The following SCD5 variants were observed in gnomAD, a reference collection of about 807,000 sequenced individuals.
The protein encoded by SCD5 is acyl-CoA-desaturase 4.
A neutral mutation model predicts 30.4 loss-of-function variants in SCD5; 20 were observed. The observed-to-expected ratio is 0.66, with a 90% confidence interval of 0.46 to 0.96. The LOEUF is 0.96. SCD5 is among the 40% of genes least tolerant of loss of function. The probability of loss-of-function intolerance (pLI) is 0.00; values close to 1 mark genes in which losing one functional copy is unlikely to be tolerated. For missense variants in SCD5, 381 were observed against 443.3 expected, an observed-to-expected ratio of 0.86 and a Z score of 1.26; for synonymous variants, 173 against 176.4, an observed-to-expected ratio of 0.98 and a Z score of 0.16.
chr4:82,798,259 G>T, intron 1 of SCD5, 47 bp downstream of exon 1: 7 of 1,456,442 alleles, frequency 4.8e-6, no homozygotes, highest in Non-Finnish European at 6.4e-6. Context: ...GCCCCAGCGC[G>T]GCCTGGCCAC....
chr4:82,760,017 T>C (rs1182574743), intron 1 of SCD5, among the ~76,000 whole-genome samples: 1 of 152,106 alleles, frequency 6.6e-6, no homozygotes. Context: ...TCACTTTCTT[T>C]CCACTCCTTC....
intron 4 of SCD5, 116 bp downstream of exon 4, chr4:82,636,475 T>G: frequency 1.4e-6 from 1 of 732,384 alleles, no homozygotes; most frequent in Non-Finnish European, 2.2e-6. Context: ...AAAGCTCAAG[T>G]TCACTGAACT....
chr4:82,696,798 G>A (rs189445491), intron 2 of SCD5, among the ~76,000 whole-genome samples: 1 of 152,328 alleles, frequency 6.6e-6, no homozygotes, highest in Admixed American at 6.5e-5. Context: ...CAATGACAAT[G>A]TGCTGTCTCA....
intron 1 of SCD5, among the ~76,000 whole-genome samples, chr4:82,739,555 T>C (rs919249594): frequency 6.6e-6 from 1 of 152,202 alleles, no homozygotes; most frequent in African/African-American, 2.4e-5. Flanking sequence ...TTGTGTGCGG[T>C]GGTGGCCCAG....
rs528268713 is a variant in SCD5 at position 82,789,468 on chromosome 4, C to T, written c.232+8838G>A. ...GTCGTTAAAATGCAGATAGTGATTC[C>T]GTGGGGTCGGTGAGGTCTGAGATTT... On this transcript the variant is annotated intron_variant, in intron 1 of 4. Coordinates refer to ENST00000319540, the MANE Select transcript of SCD5 (RefSeq NM_001037582.3). Among the ~76,000 whole-genome samples, 50 of 152,224 alleles carry T rather than the reference C, an allele frequency of 3.3e-4. 1 individual carries two copies. In the South Asian group the frequency reaches 4.8e-3, roughly 15 times the overall value.
At chr4:82,700,815 A>C (rs1398719782) in intron 2 of SCD5, among the ~76,000 whole-genome samples, 1 of 125,716 alleles carries the variant, frequency 8.0e-6, no homozygotes, top group Non-Finnish European at 1.6e-5. Context: ...AAAAAAAAAA[A>C]AAAAAAAAAA....
At chr4:82,775,585 G>A (rs1190784058) in intron 1 of SCD5, 1 of 152,306 alleles carries the variant, frequency 6.6e-6, no homozygotes, top group African/African-American at 2.4e-5. Context: ...TTGTGGCCAG[G>A]TGTGGTGGCT....
chr4:82,675,852 G>A (rs1361791496), intron 3 of SCD5, among the ~76,000 whole-genome samples: 1 of 152,212 alleles, frequency 6.6e-6, no homozygotes, highest in African/African-American at 2.4e-5. Flanking sequence ...ATGACAAATC[G>A]CTCTGCTTAA....
intron 1 of SCD5, among the ~76,000 whole-genome samples, chr4:82,774,125 T>C (rs978539945): frequency 3.3e-5 from 5 of 149,494 alleles, no homozygotes; most frequent in South Asian, 2.1e-4. Context: ...ATACATCCTA[T>C]GGAAATGCAT....
At chr4:82,691,586 T>C (rs1030716657) in intron 2 of SCD5, among the ~76,000 whole-genome samples, 1 of 152,066 alleles carries the variant, frequency 6.6e-6, no homozygotes, top group African/African-American at 2.4e-5. Context: ...CCTTGGAATT[T>C]CCTGATAGGA....
In SCD5 at chr4:82,631,266, T is replaced by A; in HGVS notation, c.*61A>T. On this transcript the variant is annotated 3_prime_UTR_variant, in exon 5 of 5. Transcript: ENST00000319540. ...CACGATCCAATGTACAAGAGAGCTA[T>A]TGTAACCAAAGCCATGAACCGAGGT... 6.7e-7 allele frequency: 1 copy of A among 1,498,536 alleles called. No individual in the cohort carries two copies. The highest frequency in any genetic ancestry group is 9.1e-7 in the Non-Finnish European group (1 of 1,093,146). The allele number at this position is 1,498,536 out of a possible 1,614,324, so 92.8% of individuals were successfully genotyped here. A position where few individuals can be genotyped will look rare whatever the true frequency, so the allele number is the denominator to read the frequency against.
chr4:82,715,295 G>A (rs1398785934), intron 1 of SCD5, among the ~76,000 whole-genome samples: 2 of 151,322 alleles, frequency 1.3e-5, no homozygotes, highest in African/African-American at 4.9e-5. Context: ...GGCTGTGGAA[G>A]ATGAGTGATA....
At chr4:82,737,082 A>C (rs1268620782) in intron 1 of SCD5, among the ~76,000 whole-genome samples, 1 of 152,054 alleles carries the variant, frequency 6.6e-6, no homozygotes, top group African/African-American at 2.4e-5. Context: ...ATGATGTTCC[A>C]TGGTTTACTA....
At chr4:82,765,827 C>T (rs1721473523) in intron 1 of SCD5, among the ~76,000 whole-genome samples, 1 of 152,054 alleles carries the variant, frequency 6.6e-6, no homozygotes, top group South Asian at 2.1e-4. Context: ...ACCATGTCGG[C>T]CAGACTGGTC....
chr4:82,640,885 C>T (rs551271250), intron 3 of SCD5, among the ~76,000 whole-genome samples: 32 of 152,280 alleles, frequency 2.1e-4, no homozygotes, highest in African/African-American at 7.2e-4. Flanking sequence ...GGGAGGAGGG[C>T]TGGAGAGGAG....
intron 1 of SCD5, among the ~76,000 whole-genome samples, chr4:82,738,063 T>A (rs1471434256): frequency 1.3e-5 from 2 of 151,726 alleles, no homozygotes; most frequent in Non-Finnish European, 2.9e-5. Context: ...ACTTAATAAA[T>A]GTATTCTGTA....
intron 2 of SCD5, 133 bp downstream of exon 2, chr4:82,705,150 C>T: frequency 1.8e-6 from 2 of 1,136,974 alleles, no homozygotes. Context: ...AAACTTGGGA[C>T]AGACTGGGCG....
intron 1 of SCD5, among the ~76,000 whole-genome samples, chr4:82,761,992 G>A (rs1234882985): frequency 2.0e-5 from 3 of 151,870 alleles, no homozygotes; most frequent in African/African-American, 7.3e-5. Flanking sequence ...GGGCAACATG[G>A]CAAGACCCCA....
At chr4:82,758,467 C>T (rs1443320235) in intron 1 of SCD5, among the ~76,000 whole-genome samples, 1 of 152,136 alleles carries the variant, frequency 6.6e-6, no homozygotes, top group African/African-American at 2.4e-5. Flanking sequence ...GGTCCACCCT[C>T]ATGACATCAT....
Sources: gnomAD v4.1 joint callset for allele counts (sites outside exome capture counted in the v4.1 genomes callset) on GRCh38, gnomAD v4.1.1 for gene constraint, MANE v1.5 for transcripts, NCBI Gene and HGNC (gene_info 2026-07-23, HGNC 2026-07-21) for gene names.